MICU3: variants seen among roughly 807,000 people sequenced by gnomAD.
MICU3 encodes the protein mitochondrial calcium uptake 3.
In MICU3, 62 loss-of-function variants were observed where a neutral mutation model predicts 66.5. The ratio of observed to expected loss-of-function variants is 0.93; its 90% CI spans 0.76 to 1.15. The LOEUF (loss-of-function observed/expected upper bound fraction) is 1.15, where lower values mean the gene tolerates loss of function less well. MICU3 is among the 50% of genes most tolerant of loss of function. The pLI, the probability that MICU3 is intolerant of heterozygous loss-of-function variation, is 0.00. For synonymous variants in MICU3, 308 were observed against 240.7 expected (o/e 1.28, Z -2.59); for missense variants, 779 against 664.4 (o/e 1.17, Z -1.90).
chr8:17,071,962 G>A (rs1158780853), intron 3 of MICU3, among the ~76,000 whole-genome samples: 1 of 152,050 alleles, frequency 6.6e-6, no homozygotes, highest in African/African-American at 2.4e-5. Flanking sequence ...TTATGATAAT[G>A]ATCCTCCAAA....
At chr8:17,038,707 A>C (rs1813489353) in intron 1 of MICU3, among the ~76,000 whole-genome samples, 1 of 152,128 alleles carries the variant, frequency 6.6e-6, no homozygotes, top group Non-Finnish European at 1.5e-5. Flanking sequence ...TAATCCCAGT[A>C]CTTTGGGAGG....
At chr8:17,135,072 T>A in the MICU3 span, among the ~76,000 whole-genome samples, 1 of 152,134 alleles carries the variant, frequency 6.6e-6, no homozygotes, top group African/African-American at 2.4e-5. Context: ...AATTATGGTC[T>A]TTCCTATAAT....
chr8:17,042,349 T>C (rs1175689292), intron 1 of MICU3, among the ~76,000 whole-genome samples: 2 of 152,250 alleles, frequency 1.3e-5, no homozygotes, highest in African/African-American at 2.4e-5. Flanking sequence ...AGAATGTAAC[T>C]TCATTTTATG....
At chr8:17,041,408 T>G (rs895175974) in intron 1 of MICU3, among the ~76,000 whole-genome samples, 6 of 152,186 alleles carry the variant, frequency 3.9e-5, no homozygotes, top group Admixed American at 3.9e-4. Context: ...GCATTGGATT[T>G]AGCAACAAGG....
At chr8:17,058,451 T>A (rs1585269299) in intron 1 of MICU3, among the ~76,000 whole-genome samples, 1 of 152,208 alleles carries the variant, frequency 6.6e-6, no homozygotes, top group Non-Finnish European at 1.5e-5. Flanking sequence ...TGATACAAGA[T>A]CATTGTCATT....
At chr8:17,081,788 A>G (rs745389972) in intron 5 of MICU3, 48 bp downstream of exon 5, 1 of 825,600 alleles carries the variant, frequency 1.2e-6, no homozygotes, top group South Asian at 1.5e-5. Flanking sequence ...TTATTTTTTA[A>G]ACGAATCTTG....
At chr8:17,128,714 C>T in the MICU3 span, among the ~76,000 whole-genome samples, 1 of 152,122 alleles carries the variant, frequency 6.6e-6, no homozygotes, top group South Asian at 2.1e-4. Context: ...GGCTTTCTTC[C>T]TGGAAGGGCT....
At chr8:17,087,166 G>T (rs1799563073) in intron 7 of MICU3, 131 bp downstream of exon 7, 1 of 616,390 alleles carries the variant, frequency 1.6e-6, no homozygotes, top group Non-Finnish European at 2.8e-6. Context: ...AAGTTTTTAT[G>T]TAGAAAAATT....
chr8:17,096,594 A>G (rs1800718875), intron 8 of MICU3, among the ~76,000 whole-genome samples: 1 of 151,852 alleles, frequency 6.6e-6, no homozygotes, highest in Non-Finnish European at 1.5e-5. Context: ...CTTTATAATT[A>G]TTTAAAAGAT....
At chr8:17,060,851 G>A (rs1477248013) in intron 1 of MICU3, among the ~76,000 whole-genome samples, 3 of 144,630 alleles carry the variant, frequency 2.1e-5, no homozygotes, top group African/African-American at 7.7e-5. Flanking sequence ...ACTCCTTACT[G>A]ACCTTCTTTT....
At chr8:17,117,071 G>C (rs933660078) in intron 13 of MICU3, among the ~76,000 whole-genome samples, 6 of 152,104 alleles carry the variant, frequency 3.9e-5, no homozygotes, top group African/African-American at 1.4e-4. Flanking sequence ...TTGAACTCCT[G>C]GGCTCAAGTG....
intron 8 of MICU3, among the ~76,000 whole-genome samples, chr8:17,091,456 AGTT>A (rs1379071231): frequency 6.6e-6 from 1 of 152,118 alleles, no homozygotes; most frequent in Non-Finnish European, 1.5e-5. Flanking sequence ...AAAGTATTCT[AGTT>A]GTAGTGTACA....
At chr8:17,045,591 G>A (rs531055886) in intron 1 of MICU3, among the ~76,000 whole-genome samples, 34 of 152,328 alleles carry the variant, frequency 2.2e-4, no homozygotes, top group Admixed American at 2.0e-3. Context: ...AACATGTTGA[G>A]GTTCCTGGAG....
intron 5 of MICU3, among the ~76,000 whole-genome samples, chr8:17,084,798 A>T (rs1444433887): frequency 6.6e-6 from 1 of 152,098 alleles, no homozygotes; most frequent in Non-Finnish European, 1.5e-5. Flanking sequence ...TTAAACTATA[A>T]TGTCTTATGC....
intron 6 of MICU3, among the ~76,000 whole-genome samples, chr8:17,085,996 ATACTAT>A (rs1423091270): frequency 1.3e-5 from 2 of 152,088 alleles, no homozygotes; most frequent in African/African-American, 4.8e-5. Flanking sequence ...GAAATAGAAA[ATACTAT>A]TAATGTATTC....
chr8:17,077,387 C>T (rs538993046), intron 3 of MICU3, among the ~76,000 whole-genome samples: 3 of 152,194 alleles, frequency 2.0e-5, no homozygotes, highest in South Asian at 2.1e-4. Flanking sequence ...TACGTGAAGC[C>T]GGGTGATGTG....
At chr8:17,044,580 C>G (rs944368089) in intron 1 of MICU3, among the ~76,000 whole-genome samples, 1 of 152,150 alleles carries the variant, frequency 6.6e-6, no homozygotes, top group African/African-American at 2.4e-5. Context: ...GACTGATTCA[C>G]AGTACTACAT....
At chr8:17,045,030 A>G (rs1814820141) in intron 1 of MICU3, among the ~76,000 whole-genome samples, 1 of 152,182 alleles carries the variant, frequency 6.6e-6, no homozygotes, top group East Asian at 1.9e-4. Context: ...ATGTCTGGCT[A>G]AAAACCAGGG....
intron 1 of MICU3, among the ~76,000 whole-genome samples, chr8:17,034,989 G>C (rs1399409887): frequency 6.6e-6 from 1 of 152,340 alleles, no homozygotes; most frequent in Admixed American, 6.5e-5. Context: ...GAGGGACCCA[G>C]TGGGAGGTGA....
Sources: allele counts gnomAD v4.1 joint callset (sites outside exome capture counted in the v4.1 genomes callset), GRCh38; gene constraint gnomAD v4.1.1; transcripts MANE v1.5; gene names NCBI Gene and HGNC (gene_info 2026-07-23, HGNC 2026-07-21).